Variants in USP10 observed in about 807,000 individuals in gnomAD.
USP10 encodes ubiquitin specific peptidase 10.
Under a neutral mutation model 84.5 loss-of-function variants are expected in USP10, and 22 were observed. That is an observed-to-expected ratio of 0.26 (90% CI 0.19 to 0.37). The LOEUF (loss-of-function observed/expected upper bound fraction) is 0.37, where lower values mean the gene tolerates loss of function less well. Ranked by LOEUF, USP10 falls within the 10% of genes least tolerant of loss-of-function variation. USP10 has a pLI of 1.00. For synonymous variants in USP10, 454 were observed against 387.6 expected (o/e 1.17, Z -2.01); for missense variants, 1,019 against 998.9 (o/e 1.02, Z -0.27).
chr16:84,775,378 T>C (rs774300), intron 13 of USP10, among the ~76,000 whole-genome samples, 153 bp downstream of exon 13: 54,183 of 152,116 alleles, frequency 0.36, 11,123 homozygotes, highest in Non-Finnish European at 0.48. Flanking sequence ...GTGAGAGTTT[T>C]ACCTGAAACT....
At chr16:84,721,341 C>A (rs1001104190) in intron 1 of USP10, among the ~76,000 whole-genome samples, 1 of 152,154 alleles carries the variant, frequency 6.6e-6, no homozygotes, top group Non-Finnish European at 1.5e-5. Flanking sequence ...ACAAATAGAG[C>A]GTACTGAGGA....
chr16:84,706,921 TTACGAGA>T (rs1432742770), intron 1 of USP10, among the ~76,000 whole-genome samples: 86 of 152,124 alleles, frequency 5.7e-4, no homozygotes, highest in African/African-American at 2.0e-3. Flanking sequence ...AACATATTTA[TTACGAGA>T]TACTAAGCAT....
At chr16:84,736,915 A>C (rs561824704) in intron 2 of USP10, among the ~76,000 whole-genome samples, 61 of 152,186 alleles carry the variant, frequency 4.0e-4, no homozygotes, top group Non-Finnish European at 8.2e-4. Flanking sequence ...CAGCCTCCCG[A>C]GTAGCTGGGA....
intron 1 of USP10, among the ~76,000 whole-genome samples, chr16:84,728,747 C>A (rs921207177): frequency 6.6e-6 from 1 of 152,122 alleles, no homozygotes; most frequent in African/African-American, 2.4e-5. Context: ...GCAAAAATTA[C>A]CTTTTTTCCT....
chr16:84,732,500 G>A, intron 1 of USP10: 1 of 387,092 alleles, frequency 2.6e-6, no homozygotes. Flanking sequence ...CGGCTGGGGT[G>A]CGGTGGCGCG....
At chr16:84,742,719 A>G (rs1029674584) in intron 3 of USP10, among the ~76,000 whole-genome samples, 2 of 152,208 alleles carry the variant, frequency 1.3e-5, no homozygotes, top group African/African-American at 4.8e-5. Flanking sequence ...TGCAAGGCAC[A>G]TGGCGTCCAT....
At chr16:84,755,795 CAA>C (rs34780846) in intron 4 of USP10, among the ~76,000 whole-genome samples, 97,285 of 138,494 alleles carry the variant, frequency 0.7, 34,033 homozygotes, top group Non-Finnish European at 0.8. Context: ...GAGACTGTCT[CAA>C]AAAAAAAAAA....
intron 1 of USP10, among the ~76,000 whole-genome samples, chr16:84,719,453 G>T (rs1907500618): frequency 6.6e-6 from 1 of 152,178 alleles, no homozygotes; most frequent in Non-Finnish European, 1.5e-5. Flanking sequence ...ATGAGGCCTG[G>T]ACTCCACCCT....
At chr16:84,770,540 A>G (rs11641132) in intron 11 of USP10, among the ~76,000 whole-genome samples, 11,899 of 152,222 alleles carry the variant, frequency 0.078, 490 homozygotes, top group African/African-American at 0.1. Flanking sequence ...TGGGAGGCCA[A>G]GGCGGGTGGA....
At chr16:84,700,825 C>T (rs565254091) in intron 1 of USP10, among the ~76,000 whole-genome samples, 8 of 152,144 alleles carry the variant, frequency 5.3e-5, no homozygotes, top group African/African-American at 1.9e-4. Flanking sequence ...TTACAATAAT[C>T]CCGTGGTGGA....
At chr16:84,772,966 A>G (rs569105750) in intron 12 of USP10, among the ~76,000 whole-genome samples, 75 of 152,314 alleles carry the variant, frequency 4.9e-4, no homozygotes, top group Middle Eastern at 3.4e-3. Flanking sequence ...TTCTGTGAAT[A>G]TTTCAGGGAT....
chr16:84,775,346 G>A (rs1301631419), intron 13 of USP10, 121 bp downstream of exon 13: 1 of 965,702 alleles, frequency 1.0e-6, no homozygotes, highest in Non-Finnish European at 1.6e-6. Flanking sequence ...TATCCCTGTG[G>A]CCTTGTGAGT....
At chr16:84,726,534 C>T (rs889405006) in intron 1 of USP10, among the ~76,000 whole-genome samples, 2 of 152,252 alleles carry the variant, frequency 1.3e-5, no homozygotes, top group African/African-American at 2.4e-5. Flanking sequence ...GCTTAGCCAA[C>T]AGGCTATGCT....
chr16:84,723,110 A>G (rs1364045240), intron 1 of USP10, among the ~76,000 whole-genome samples: 2 of 149,908 alleles, frequency 1.3e-5, no homozygotes, highest in East Asian at 3.9e-4. Flanking sequence ...TTTTAAAAGG[A>G]TTGACCGGCT....
rs888578230 is a variant in USP10 at position 84,730,935 on chromosome 16, A to G, written c.22-2500A>G. 1.1e-4 allele frequency among the ~76,000 whole-genome samples: 16 copies of G among 151,500 alleles called. 1 individual carries two copies. Among genetic ancestry groups the G allele is most frequent in the African/African-American group, 3.6e-4 (15 of 41,214 alleles). ...AAGTAAAAGGCCTTTCTTGTTAGTC[A>G]TAAGATAAAATGGATAACTTTTAAT... On this transcript the variant is annotated intron_variant, in intron 1 of 13. Coordinates refer to ENST00000219473, the MANE Select transcript of USP10 (RefSeq NM_005153.3).
At chr16:84,723,159 T>G (rs76749444) in intron 1 of USP10, among the ~76,000 whole-genome samples, 76 of 148,640 alleles carry the variant, frequency 5.1e-4, no homozygotes, top group Non-Finnish European at 9.4e-4. Flanking sequence ...TTTTTTTTTT[T>G]GGCCTTTTTT....
At position 84,740,290 on chromosome 16, in the gene USP10, T is replaced by G. The variant is rs763914753; in HGVS notation, c.91-19T>G. ...AACATTTTGTTGAATTAAAATTTGT[T>G]TTCTGATTCCTTGTGCAGCTTCCTC... On this transcript the variant is annotated intron_variant, in intron 2 of 13. Transcript: ENST00000219473. 6.2e-7 allele frequency: 1 copy of G among 1,601,666 alleles called. No individual in the cohort carries two copies. Among genetic ancestry groups the G allele is most frequent in the African/African-American group, 1.3e-5 (1 of 74,454 alleles).
intron 4 of USP10, among the ~76,000 whole-genome samples, chr16:84,756,974 C>T (rs1008099188): frequency 6.6e-6 from 1 of 152,198 alleles, no homozygotes; most frequent in African/African-American, 2.4e-5. Context: ...GGCTCAACCT[C>T]TTGAGTCAGG....
intron 1 of USP10, among the ~76,000 whole-genome samples, chr16:84,721,369 G>A (rs1907790809): frequency 6.6e-6 from 1 of 152,204 alleles, no homozygotes; most frequent in African/African-American, 2.4e-5. Flanking sequence ...TTCTGTAAAT[G>A]AAAGATTACA....
Sources: gnomAD v4.1 joint callset for allele counts (sites outside exome capture counted in the v4.1 genomes callset) on GRCh38, gnomAD v4.1.1 for gene constraint, MANE v1.5 for transcripts, NCBI Gene and HGNC (gene_info 2026-07-23, HGNC 2026-07-21) for gene names.